The following STRA6 variants were observed in gnomAD, a reference collection of about 807,000 sequenced individuals.
STRA6 encodes the protein receptor for retinol uptake STRA6.
STRA6 carries 48 observed loss-of-function variants against 83.6 expected under a neutral mutation model. The ratio of observed to expected loss-of-function variants is 0.57; its 90% confidence interval spans 0.46 to 0.73. The LOEUF (loss-of-function observed/expected upper bound fraction) is 0.73. Ranked by LOEUF, STRA6 falls within the 30% of genes least tolerant of loss-of-function variation. The probability of loss-of-function intolerance (pLI) is 0.00; values close to 1 mark genes in which losing one functional copy is unlikely to be tolerated. For synonymous variants in STRA6, 353 were observed against 362.3 expected (o/e 0.97, Z 0.29); for missense variants, 760 against 838.8 (o/e 0.91, Z 1.16).
rs2142043319 is a variant in STRA6, at chr15:74,193,792, C to T, written c.720+8G>A. 6.2e-7 allele frequency: 1 copy of T among 1,613,458 alleles called. No individual in the cohort carries two copies. Among genetic ancestry groups the T allele is most frequent in the Non-Finnish European group, 8.5e-7 (1 of 1,179,588 alleles). ...GAGGAAGAGCTCATCCCAGGCCTGC[C>T]CCTTTACCTTGGAGCCTGCTCCTGT... On this transcript the variant is annotated splice_region_variant and intron_variant, in intron 8 of 18. Coordinates refer to ENST00000395105, the MANE Select transcript of STRA6 (RefSeq NM_022369.4).
At chr15:74,201,101 C>T (rs2074037568) in intron 2 of STRA6, among the ~76,000 whole-genome samples, 1 of 152,204 alleles carries the variant, frequency 6.6e-6, no homozygotes, top group African/African-American at 2.4e-5. Context: ...TTGCTGACTG[C>T]AGGCTATTTT....
At chr15:74,182,529 C>G in intron 14 of STRA6, 69 bp from the exon 15 acceptor site, 1 of 1,355,266 alleles carries the variant, frequency 7.4e-7, no homozygotes, top group Non-Finnish European at 1.0e-6. Flanking sequence ...CCCGCTGCCC[C>G]CAGAACCAAG....
Position 74,182,120 on chromosome 15 carries a change from GCGAGGGC to G in STRA6, c.1520+34_1520+40del, listed in dbSNP as rs758552821. 8 of 1,546,936 alleles carry G rather than the reference GCGAGGGC, an allele frequency of 5.2e-6. No homozygotes were observed. In the South Asian group the frequency reaches 8.9e-5, roughly 17 times the overall value. The stretch of plus-strand genomic sequence containing the variant: ...AAAAGAGAGAGACACCGAAGAAGAG[GCGAGGGC>G]CTGAGGGAGCCACAAGCCCAGATGC... On this transcript the variant is annotated intron_variant, in intron 16 of 18. Transcript: ENST00000395105.
Position 74,179,986 on chromosome 15 carries a change from G to C in STRA6, c.*94C>G, listed in dbSNP as rs1372804305. On this transcript the variant is annotated 3_prime_UTR_variant, in exon 19 of 19. Coordinates refer to ENST00000395105, the MANE Select transcript of STRA6 (RefSeq NM_022369.4). ...GGAGGACCTGCTGGCTGCATGGCTG[G>C]TGTGATGCTGGGAGGAGAGCCGGGG... 7.2e-6 allele frequency: 11 copies of C among 1,519,212 alleles called. No homozygotes were observed. Among genetic ancestry groups the C allele is most frequent in the Middle Eastern group, 2.2e-4 (1 of 4,452 alleles). The allele number at this position is 1,519,212 out of a possible 1,614,324, so 94.1% of individuals were successfully genotyped here.
upstream of STRA6, chr15:74,207,601 A>G (rs2074288331): frequency 1.7e-6 from 2 of 1,195,584 alleles, no homozygotes; most frequent in Admixed American, 2.0e-5. Flanking sequence ...ATAGTTTACA[A>G]TACTCAAACC....
chr15:74,209,412 A>G (rs2074333424), upstream of STRA6: 22 of 1,535,526 alleles, frequency 1.4e-5, no homozygotes, highest in Admixed American at 2.0e-5. Context: ...ATGAATTGCC[A>G]GAGGGGAACC....
At chr15:74,202,854 C>T (rs2074145330), upstream of STRA6, 1 of 1,043,784 alleles carries the variant, frequency 9.6e-7, no homozygotes, top group African/African-American at 1.7e-5. Context: ...CTTTCTGGCC[C>T]CTTTGGGCCT....
chr15:74,201,539 C>A (rs2074064140), intron 2 of STRA6, among the ~76,000 whole-genome samples: 1 of 152,148 alleles, frequency 6.6e-6, no homozygotes, highest in African/African-American at 2.4e-5. Context: ...TCAGGCCACC[C>A]TGGGGCGGGC....
chr15:74,204,499 C>CA (rs2074211180), upstream of STRA6, among the ~76,000 whole-genome samples: 1 of 152,240 alleles, frequency 6.6e-6, no homozygotes, highest in African/African-American at 2.4e-5. Context: ...TCAGGGGTCT[C>CA]AGACTGTTAC....
At chr15:74,206,030 C>T (rs1173302545), upstream of STRA6, among the ~76,000 whole-genome samples, 5 of 152,188 alleles carry the variant, frequency 3.3e-5, no homozygotes, top group Admixed American at 1.3e-4. Flanking sequence ...GGCTATGTGG[C>T]CTTGAGTGAG....
At chr15:74,184,269 A>G (rs1303714738) in intron 13 of STRA6, among the ~76,000 whole-genome samples, 2 of 152,218 alleles carry the variant, frequency 1.3e-5, no homozygotes, top group African/African-American at 2.4e-5. Flanking sequence ...TGAGAATGGA[A>G]GTGACACACA....
At chr15:74,186,481 C>G (rs1382207925) in intron 12 of STRA6, among the ~76,000 whole-genome samples, 7 of 152,050 alleles carry the variant, frequency 4.6e-5, no homozygotes, top group Non-Finnish European at 8.8e-5. Flanking sequence ...GGTGGCGGGC[C>G]CCTGTAATCC....
intron 4 of STRA6, 126 bp from the exon 5 acceptor site, chr15:74,196,273 C>T (rs2073817170): frequency 8.7e-6 from 12 of 1,383,580 alleles, no homozygotes; most frequent in Middle Eastern, 3.6e-4. Context: ...GGGAATAAGG[C>T]CCCTTCATTC....
intron 14 of STRA6, chr15:74,183,427 G>C (rs1412087561): frequency 1.2e-6 from 1 of 840,560 alleles, no homozygotes; most frequent in Non-Finnish European, 1.5e-6. Context: ...TGTATTTTTA[G>C]TAGAGACGGG....
intron 7 of STRA6, chr15:74,194,910 C>A: frequency 7.0e-7 from 1 of 1,421,604 alleles, no homozygotes; most frequent in Non-Finnish European, 9.1e-7. Context: ...CCCTCTTAGA[C>A]CATCCCTGAC....
intron 2 of STRA6, among the ~76,000 whole-genome samples, chr15:74,199,501 A>G (rs1239417257): frequency 6.6e-6 from 1 of 152,070 alleles, no homozygotes; most frequent in Non-Finnish European, 1.5e-5. Flanking sequence ...ATCTCCCCGC[A>G]TGACTAGGTC....
intron 18 of STRA6, 118 bp from the exon 19 acceptor site, chr15:74,180,361 G>T: frequency 7.7e-7 from 1 of 1,296,642 alleles, no homozygotes; most frequent in African/African-American, 1.4e-5. Context: ...TGAGGCTTAG[G>T]ATGTCCCCTG....
At chr15:74,184,905 G>A (rs2073166276) in intron 13 of STRA6, 75 bp downstream of exon 13, 12 of 1,474,290 alleles carry the variant, frequency 8.1e-6, no homozygotes, top group Non-Finnish European at 1.1e-5. Context: ...CCAGGCCCAG[G>A]GCCTCCCCGC....
Position 74,181,284 on chromosome 15 carries a change from A to G in STRA6, c.1684+11T>C, listed in dbSNP as rs2072970158. On this transcript the variant is annotated intron_variant, in intron 17 of 18. Transcript: ENST00000395105. Reference sequence around the variant, plus strand: ...CCTGAGCAATCCTCCAGCCCCGCCCAGTGACCTTACCGGGGTCGAGAGTGG... The same window carrying G: ...CCTGAGCAATCCTCCAGCCCCGCCCGGTGACCTTACCGGGGTCGAGAGTGG... 2.5e-6 allele frequency: 4 copies of G among 1,612,224 alleles called. No individual in the cohort carries two copies. Among genetic ancestry groups the G allele is most frequent in the Non-Finnish European group, 3.4e-6 (4 of 1,179,732 alleles).
Sources: allele counts gnomAD v4.1 joint callset (sites outside exome capture counted in the v4.1 genomes callset), GRCh38; gene constraint gnomAD v4.1.1; transcripts MANE v1.5; gene names NCBI Gene and HGNC (gene_info 2026-07-23, HGNC 2026-07-21).